NRP1: variants seen among roughly 807,000 people sequenced by gnomAD.
The protein encoded by NRP1 is neuropilin 1.
A neutral mutation model predicts 106.7 loss-of-function variants in NRP1; 35 were observed. The ratio of observed to expected loss-of-function variants is 0.33; its 90% CI spans 0.25 to 0.43. NRP1 has a LOEUF of 0.43. Ranked by LOEUF, NRP1 falls within the 20% of genes least tolerant of loss-of-function variation. The pLI is 1.00. For synonymous variants in NRP1, 437 were observed against 417.9 expected, an observed-to-expected ratio of 1.05 and a Z score of -0.56; for missense variants, 1,024 against 1,170.4, an observed-to-expected ratio of 0.87 and a Z score of 1.83.
In NRP1 at chr10:33,334,332, G is replaced by C. The variant is rs1226259489; in HGVS notation, c.51C>G (p.Ala17=). Residue 17 remains alanine, a synonymous_variant, in exon 1 of 17, where the codon GCC becomes GCG. Coordinates refer to ENST00000374867, the MANE Select transcript of NRP1 (RefSeq NM_003873.7). ...TACCGTTGCGAAAAGCGCCGGCCGGGGCGAGGACGAGGGCGAGCACGGCGC... is the reference window on the plus strand; with the variant it reads ...TACCGTTGCGAAAAGCGCCGGCCGGCGCGAGGACGAGGGCGAGCACGGCGC... ...LLCAVLALVL[A]PAGAFRNDKC... 6.5e-7 allele frequency: 1 copy of C among 1,544,634 alleles called. No homozygotes were observed. The highest frequency in any genetic ancestry group is 8.7e-7 in the Non-Finnish European group (1 of 1,146,918).
chr10:33,308,322 A>G (rs1461978264), intron 2 of NRP1, among the ~76,000 whole-genome samples: 2 of 151,394 alleles, frequency 1.3e-5, no homozygotes, highest in Non-Finnish European at 2.9e-5. Context: ...CATGCAATTT[A>G]CCAATATAAC....
chr10:33,232,142 C>G (rs1223511282), intron 6 of NRP1, among the ~76,000 whole-genome samples: 1 of 152,028 alleles, frequency 6.6e-6, no homozygotes. Context: ...GACTGGTGAC[C>G]CAAGACAAGC....
At chr10:33,215,864 C>T (rs959143816) in intron 8 of NRP1, among the ~76,000 whole-genome samples, 3 of 152,170 alleles carry the variant, frequency 2.0e-5, no homozygotes, top group African/African-American at 7.2e-5. Context: ...ATGTCATGTC[C>T]TTGCAAGGCC....
chr10:33,319,002 C>CT (rs36010472), intron 2 of NRP1, among the ~76,000 whole-genome samples: 12,520 of 90,854 alleles, frequency 0.14, 1,044 homozygotes, highest in East Asian at 0.27. Flanking sequence ...TCTTTTCTTT[C>CT]TTTTTTTTTT....
At position 33,270,481 on chromosome 10, in the gene NRP1, C is replaced by T. The variant is rs556177053; in HGVS notation, c.430+194G>A. On this transcript the variant is annotated intron_variant, in intron 3 of 16. Coordinates refer to ENST00000374867, the MANE Select transcript of NRP1 (RefSeq NM_003873.7). ...AGCTGGGATTACTGGCATATGCCAT[C>T]ATGCCTGGCTAATTTTTGTATTTTT... 7.2e-5 allele frequency among the ~76,000 whole-genome samples: 11 copies of T among 152,262 alleles called. No homozygotes were observed. The East Asian group carries it at 1.5e-3, about 21-fold the overall frequency.
At chr10:33,219,198 G>T (rs905377370) in intron 8 of NRP1, among the ~76,000 whole-genome samples, 1 of 152,154 alleles carries the variant, frequency 6.6e-6, no homozygotes. Context: ...TAAGCCAGGG[G>T]TGTTCCAAAT....
At chr10:33,203,142 G>A (rs1837476587) in intron 10 of NRP1, 147 bp from the exon 11 acceptor site, 1 of 713,118 alleles carries the variant, frequency 1.4e-6, no homozygotes, top group Non-Finnish European at 2.3e-6. Flanking sequence ...TCAGGAGCTA[G>A]ATATACTTGG....
At chr10:33,208,143 C>G (rs1288314818) in intron 9 of NRP1, among the ~76,000 whole-genome samples, 1 of 152,176 alleles carries the variant, frequency 6.6e-6, no homozygotes, top group Non-Finnish European at 1.5e-5. Context: ...CCAGGCTTGT[C>G]TCGAACTTAG....
At chr10:33,298,410 A>G (rs1178305091) in intron 2 of NRP1, among the ~76,000 whole-genome samples, 1 of 152,182 alleles carries the variant, frequency 6.6e-6, no homozygotes, top group Non-Finnish European at 1.5e-5. Flanking sequence ...GAAACACCTC[A>G]TGAATTTTCA....
chr10:33,251,667 A>G (rs549301122), intron 6 of NRP1, among the ~76,000 whole-genome samples: 1 of 152,230 alleles, frequency 6.6e-6, no homozygotes, highest in Admixed American at 6.5e-5. Flanking sequence ...AATGATGTAA[A>G]TCTGTTCTGT....
rs1235572698 is a variant in NRP1 at position 33,180,163 on chromosome 10, G to A, written c.2685C>T (p.Ala895=). The change falls in exon 17 of 17, where the codon GCC becomes GCT. Residue 895 remains alanine, a synonymous_variant. Transcript: ENST00000374867. The part of the protein sequence containing the change: ...HNGMSERNLS[A]LENYNFELVD... ...CAAGTTCAAAGTTATAGTTCTCCAG[G>A]GCAGACAAGTTTCTTTCTGACATCC... The A allele has an allele frequency of 6.2e-7, 1 of 1,613,968 alleles. No homozygotes were observed. The highest frequency in any genetic ancestry group is 8.5e-7 in the Non-Finnish European group (1 of 1,180,024).
At chr10:33,316,673 C>T (rs1847061343) in intron 2 of NRP1, among the ~76,000 whole-genome samples, 1 of 152,116 alleles carries the variant, frequency 6.6e-6, no homozygotes, top group Non-Finnish European at 1.5e-5. Flanking sequence ...GGGGAGAAAA[C>T]CAAGATGGCA....
intron 8 of NRP1, 165 bp from the exon 9 acceptor site, chr10:33,213,882 C>T: frequency 1.6e-6 from 1 of 614,244 alleles, no homozygotes; most frequent in Non-Finnish European, 2.8e-6. Flanking sequence ...CTCAAACCTT[C>T]CTCCTGCTCT....
chr10:33,321,607 A>C (rs1370669830), intron 2 of NRP1, among the ~76,000 whole-genome samples: 1 of 152,116 alleles, frequency 6.6e-6, no homozygotes, highest in African/African-American at 2.4e-5. Flanking sequence ...GAAGTGATCT[A>C]TGTAAGATTA....
intron 4 of NRP1, 22 bp from the exon 5 acceptor site, chr10:33,256,493 C>G: frequency 1.2e-6 from 2 of 1,608,862 alleles, no homozygotes. Flanking sequence ...GGAATACAGA[C>G]GATGTCAAAA....
intron 12 of NRP1, chr10:33,195,359 C>T: frequency 5.5e-6 from 2 of 364,214 alleles, no homozygotes; most frequent in South Asian, 2.2e-5. Flanking sequence ...TGTAAGGATC[C>T]CATCACTTGC....
chr10:33,333,481 C>G (rs967165345), intron 1 of NRP1, among the ~76,000 whole-genome samples: 4 of 152,090 alleles, frequency 2.6e-5, no homozygotes, highest in Admixed American at 6.5e-5. Flanking sequence ...GAAATCTAAG[C>G]CAGACAAAAG....
intron 2 of NRP1, among the ~76,000 whole-genome samples, chr10:33,313,287 A>G (rs1014611888): frequency 7.9e-5 from 12 of 152,192 alleles, no homozygotes; most frequent in African/African-American, 2.7e-4. Context: ...GTGTTGCAAA[A>G]GTCAAGGAGG....
chr10:33,318,697 C>T (rs987334687), intron 2 of NRP1, among the ~76,000 whole-genome samples: 1 of 151,206 alleles, frequency 6.6e-6, no homozygotes, highest in African/African-American at 2.4e-5. Flanking sequence ...TAGCTTAGTG[C>T]CAATCGTCAT....
Sources: allele counts gnomAD v4.1 joint callset (sites outside exome capture counted in the v4.1 genomes callset), GRCh38; gene constraint gnomAD v4.1.1; transcripts MANE v1.5; gene names NCBI Gene and HGNC (gene_info 2026-07-23, HGNC 2026-07-21).